The following MSI1 variants were observed in gnomAD, a reference collection of about 807,000 sequenced individuals.
MSI1 encodes the protein RNA-binding protein Musashi homolog 1.
MSI1 carries 15 observed loss-of-function variants against 54.4 expected under a neutral mutation model. The ratio of observed to expected loss-of-function variants is 0.28; its 90% CI spans 0.18 to 0.42. The LOEUF (loss-of-function observed/expected upper bound fraction) is 0.42, where lower values mean the gene tolerates loss of function less well. MSI1 is among the 20% of genes least tolerant of loss of function. MSI1 has a pLI of 1.00. For synonymous variants in MSI1, 200 were observed against 196.5 expected (o/e 1.02, Z -0.15); for missense variants, 304 against 506.0 (o/e 0.60, Z 3.83).
intron 7 of MSI1, 85 bp from the exon 8 acceptor site, chr12:120,357,983 C>A: frequency 9.0e-7 from 1 of 1,111,138 alleles, no homozygotes; most frequent in Middle Eastern, 2.0e-4. Context: ...AATATCCCCG[C>A]TCCTCTCTCT....
intron 4 of MSI1, among the ~76,000 whole-genome samples, 153 bp from the exon 5 acceptor site, chr12:120,364,908 C>T (rs1377245415): frequency 6.6e-6 from 1 of 152,116 alleles, no homozygotes; most frequent in Non-Finnish European, 1.5e-5. Context: ...AGTGGTTAAG[C>T]ATTTATTTTT....
chr12:120,353,200 A>T, intron 10 of MSI1, 99 bp downstream of exon 10: 2 of 1,160,696 alleles, frequency 1.7e-6, no homozygotes, highest in Non-Finnish European at 1.3e-6. Context: ...TCCAGCAAGC[A>T]GACCCCCAGC....
rs955599514 is a variant in MSI1 at position 120,368,328 on chromosome 12, C to G, written c.101-55G>C. The G allele has an allele frequency of 3.2e-5, 49 of 1,530,922 alleles. No individual in the cohort carries two copies. Among genetic ancestry groups the G allele is most frequent in the Non-Finnish European group, 1.4e-5 (16 of 1,135,240 alleles). 94.8% of individuals were successfully genotyped at this position (1,530,922 alleles called of 1,614,324 possible). ...CCCGGGCCCCGCGCCCTTCCCCCCC[C>G]CCCGTCCTTTGCCCCCGGTGACCCC... On this transcript the variant is annotated intron_variant, in intron 2 of 14. Transcript: ENST00000257552. The surrounding 1 kb of genome is among the most constrained non-coding windows in gnomAD (Gnocchi z 6.6).
chr12:120,363,091 C>T lies in MSI1; in HGVS notation c.354G>A (p.Val118=). The T allele has an allele frequency of 6.2e-7, 1 of 1,614,116 alleles. No individual in the cohort carries two copies. The highest frequency in any genetic ancestry group is 1.1e-5 in the South Asian group (1 of 91,074). ...GCTTCACGTCCTCCACCGTGGTGTT[C>T]ACCGACAGCCCCCCCACAAAGATCT... The part of the protein sequence containing the change: ...TKKIFVGGLS[V]NTTVEDVKQY... Residue 118 remains valine, a synonymous_variant, in exon 6 of 15, where the codon GTG becomes GTA. Transcript: ENST00000257552.
chr12:120,341,155 G>A (rs964137219), downstream of MSI1, among the ~76,000 whole-genome samples: 1 of 151,946 alleles, frequency 6.6e-6, no homozygotes, highest in Admixed American at 6.6e-5. Flanking sequence ...CACAGTGCTG[G>A]GATTACAGGC....
chr12:120,367,851 T>C (rs1024013721), intron 4 of MSI1, among the ~76,000 whole-genome samples, 157 bp downstream of exon 4: 4 of 151,984 alleles, frequency 2.6e-5, no homozygotes, highest in South Asian at 2.1e-4. Flanking sequence ...CCCCCAACTC[T>C]AGTGACAAAG....
chr12:120,347,481 G>C lies in MSI1; in HGVS notation c.824C>G (p.Ala275Gly), dbSNP rs775588129. The change falls in exon 12 of 15, where the codon GCG becomes GGG. Residue 275 changes from alanine to glycine, a missense_variant. Ala to Gly is a moderately conservative substitution (Grantham distance 60, BLOSUM62 0). Transcript: ENST00000257552. ...IPLTAYGPMAAAAAAAAVVRG... is the reference protein window; with the variant it reads ...IPLTAYGPMAGAAAAAAVVRG... ...AACCACAGCCGCTGCCGCCGCTGCC[G>C]CCGCCATTGGTCCGTAGGCAGTGAG... 1 of 1,614,106 alleles carries C rather than the reference G, an allele frequency of 6.2e-7. No homozygotes were observed. The highest frequency in any genetic ancestry group is 8.5e-7 in the Non-Finnish European group (1 of 1,180,038).
At chr12:120,353,192 C>T in intron 10 of MSI1, 107 bp downstream of exon 10, 1 of 1,095,022 alleles carries the variant, frequency 9.1e-7, no homozygotes, top group Non-Finnish European at 1.4e-6. Context: ...TCCAAGCCTC[C>T]AGCAAGCAGA....
At chr12:120,350,429 G>T (rs1027837869) in intron 11 of MSI1, among the ~76,000 whole-genome samples, 6 of 152,156 alleles carry the variant, frequency 3.9e-5, no homozygotes, top group African/African-American at 1.4e-4. Flanking sequence ...TCTGTTACCT[G>T]CATCTCTAGG....
chr12:120,366,742 C>T (rs561934904), intron 4 of MSI1, among the ~76,000 whole-genome samples: 38 of 152,244 alleles, frequency 2.5e-4, no homozygotes, highest in Non-Finnish European at 4.7e-4. Flanking sequence ...ACAGACAAAG[C>T]CCTGGCCCTT....
chr12:120,368,801 C>T lies in MSI1; in HGVS notation c.100+32G>A. 3.5e-6 allele frequency: 5 copies of T among 1,422,760 alleles called. No homozygotes were observed. The highest frequency in any genetic ancestry group is 1.4e-5 in the South Asian group (1 of 70,808). 88.1% of individuals were successfully genotyped at this position (1,422,760 alleles called of 1,614,324 possible). On this transcript the variant is annotated intron_variant, in intron 2 of 14. Coordinates refer to ENST00000257552, the MANE Select transcript of MSI1 (RefSeq NM_002442.4). This position sits in a 1 kb window ranked among gnomAD's most constrained non-coding sequence, Gnocchi z 6.6. Reference sequence around the variant, plus strand: ...GCGCCGGGGGGTCCGGGGTGCCCTGCCGGACCGGCGGGCGCTCCCGGGCTC... The same window carrying T: ...GCGCCGGGGGGTCCGGGGTGCCCTGTCGGACCGGCGGGCGCTCCCGGGCTC...
At chr12:120,352,556 TCCCCCA>T (rs59766817) in intron 10 of MSI1, among the ~76,000 whole-genome samples, 71,034 of 151,798 alleles carry the variant, frequency 0.47, 18,363 homozygotes, top group South Asian at 0.63. Context: ...TAAGCATCCT[TCCCCCA>T]TGAGATTATT....
chr12:120,347,294 GA>G, intron 12 of MSI1, 151 bp downstream of exon 12: 2 of 1,009,454 alleles, frequency 2.0e-6, no homozygotes, highest in African/African-American at 3.2e-5. Context: ...ATGCTGGCAC[GA>G]TGCCCAGCAC....
At chr12:120,348,110 G>GT (rs759975294) in intron 11 of MSI1, among the ~76,000 whole-genome samples, 9,530 of 151,886 alleles carry the variant, frequency 0.063, 418 homozygotes, top group Admixed American at 0.15. Context: ...GCACCCTAAG[G>GT]GCCTCCCTGA....
At chr12:120,348,153 C>T (rs1359674429) in intron 11 of MSI1, among the ~76,000 whole-genome samples, 2 of 140,908 alleles carry the variant, frequency 1.4e-5, no homozygotes, top group Non-Finnish European at 1.6e-5. Flanking sequence ...TCCCCCAAAT[C>T]CCCCCAGCCT....
At chr12:120,367,816 C>T (rs567419745) in intron 4 of MSI1, among the ~76,000 whole-genome samples, 192 bp downstream of exon 4, 168 of 152,128 alleles carry the variant, frequency 1.1e-3, no homozygotes, top group African/African-American at 3.8e-3. Context: ...TCATGGCAGG[C>T]CAGGGATTTT....
intron 10 of MSI1, among the ~76,000 whole-genome samples, chr12:120,352,152 G>C (rs1041513991): frequency 1.3e-5 from 2 of 151,896 alleles, no homozygotes; most frequent in African/African-American, 4.8e-5. Flanking sequence ...TCAGTAGCTG[G>C]GACCACAGGC....
intron 5 of MSI1, among the ~76,000 whole-genome samples, chr12:120,363,551 A>G (rs943792213): frequency 2.7e-5 from 4 of 150,086 alleles, no homozygotes; most frequent in Admixed American, 6.6e-5. Context: ...CCTCCTCCCA[A>G]CACAACCTCT....
rs1308604423 is a variant in MSI1, at chr12:120,342,814, A to T, written c.*313T>A. The T allele has an allele frequency of 7.3e-6, 1 of 137,580 alleles. No individual in the cohort carries two copies. Among genetic ancestry groups the T allele is most frequent in the Non-Finnish European group, 1.6e-5 (1 of 64,374 alleles). 8.5% of individuals were successfully genotyped at this position (137,580 alleles called of 1,614,324 possible). A position where few individuals can be genotyped will look rare whatever the true frequency, so the allele number is the denominator to read the frequency against. On this transcript the variant is annotated 3_prime_UTR_variant, in exon 15 of 15. Coordinates refer to ENST00000257552, the MANE Select transcript of MSI1 (RefSeq NM_002442.4). ...GGGGGCGGTCCTAGGGGGGCGCGGCACGGAGGGAGGGATGGACCAGAGGGC... is the reference window on the plus strand; with the variant it reads ...GGGGGCGGTCCTAGGGGGGCGCGGCTCGGAGGGAGGGATGGACCAGAGGGC...
Sources: allele counts gnomAD v4.1 joint callset (sites outside exome capture counted in the v4.1 genomes callset), GRCh38; gene constraint gnomAD v4.1.1; non-coding constraint Gnocchi (gnomAD v3.1); transcripts MANE v1.5; gene names NCBI Gene and HGNC (gene_info 2026-07-23, HGNC 2026-07-21).